The following PPP2R5C variants were observed in gnomAD, a reference collection of about 807,000 sequenced individuals.
PPP2R5C encodes protein phosphatase 2 regulatory subunit B'gamma.
A neutral mutation model predicts 68.9 loss-of-function variants in PPP2R5C; 7 were observed. The ratio of observed to expected loss-of-function variants is 0.10; its 90% CI spans 0.06 to 0.19. PPP2R5C has a LOEUF of 0.19. PPP2R5C is among the 10% of genes least tolerant of loss of function. PPP2R5C has a pLI of 1.00. For synonymous variants in PPP2R5C, 210 were observed against 222.2 expected, an observed-to-expected ratio of 0.95 and a Z score of 0.49; for missense variants, 348 against 641.3, an observed-to-expected ratio of 0.54 and a Z score of 4.94.
At chr14:101,864,291 C>A (rs545720858) in intron 2 of PPP2R5C, among the ~76,000 whole-genome samples, 5 of 152,174 alleles carry the variant, frequency 3.3e-5, no homozygotes, top group Admixed American at 2.6e-4. Context: ...AGAAGTACTT[C>A]GCATTAGAGT....
chr14:101,925,044 C>G (rs568698674), intron 13 of PPP2R5C, 97 bp from the exon 16 acceptor site: 5 of 1,375,460 alleles, frequency 3.6e-6, no homozygotes, highest in Non-Finnish European at 5.1e-6. Flanking sequence ...GTGAGGCACA[C>G]GTGCCTCGCG....
rs2037677052 is a variant in PPP2R5C at position 101,781,342 on chromosome 14, T to A, written c.94-4676T>A. Among the ~76,000 whole-genome samples, 1 of 152,134 alleles carries A rather than the reference T, an allele frequency of 6.6e-6. No individual in the cohort carries two copies. The highest frequency in any genetic ancestry group is 6.5e-5 in the Admixed American group (1 of 15,284). ...CACCCTCCGAAGCCTCAACCCGCCC[T>A]GCGCCTCCCGGTGGCACAGCGACCT... On this transcript the variant is annotated intron_variant, in intron 2 of 14. Transcript: ENST00000328724. This position sits in a 1 kb window ranked among gnomAD's most constrained non-coding sequence, Gnocchi z 6.4.
At position 101,802,743 on chromosome 14, in the gene PPP2R5C, T is replaced by C. The variant is rs186373994; in HGVS notation, c.259+16560T>C. Among the ~76,000 whole-genome samples, 31 of 152,200 alleles carry C rather than the reference T, an allele frequency of 2.0e-4. No individual in the cohort carries two copies. In the East Asian group the frequency reaches 5.8e-3, roughly 28 times the overall value. Reference sequence around the variant, plus strand: ...TCATATAACTGATAAGGAGTTAATATCCAGAATATCTAAAGAACTCCTACA... The same window carrying C: ...TCATATAACTGATAAGGAGTTAATACCCAGAATATCTAAAGAACTCCTACA... On this transcript the variant is annotated intron_variant, in intron 3 of 14. Transcript: ENST00000328724.
intron 9 of PPP2R5C, among the ~76,000 whole-genome samples, chr14:101,905,877 C>T (rs1016043999): frequency 2.0e-5 from 3 of 152,122 alleles, no homozygotes; most frequent in African/African-American, 7.2e-5. Flanking sequence ...GCCACCCCAC[C>T]GCACACGCAC....
chr14:101,884,186 A>T (rs113945299), intron 5 of PPP2R5C, among the ~76,000 whole-genome samples: 5 of 152,200 alleles, frequency 3.3e-5, no homozygotes, highest in Admixed American at 2.0e-4. Context: ...CAGGAGAAAG[A>T]TGGAGGCCAG....
exon 4 of PPP2R5C, chr14:101,883,316 G>A (rs772006951): frequency 2.5e-5 from 40 of 1,596,474 alleles, no homozygotes; most frequent in Middle Eastern, 1.7e-4. Context: ...CTAATATAGC[G>A]AAGAAATATA....
chr14:101,771,237 G>A (rs2037134519), intron 2 of PPP2R5C, among the ~76,000 whole-genome samples: 1 of 109,620 alleles, frequency 9.1e-6, no homozygotes, highest in East Asian at 2.0e-4. Context: ...GTGTGTGTGT[G>A]TGTGTGTGTG....
chr14:101,780,565 G>A (rs1345621187), intron 2 of PPP2R5C, among the ~76,000 whole-genome samples: 1 of 151,992 alleles, frequency 6.6e-6, no homozygotes, highest in African/African-American at 2.4e-5. Flanking sequence ...CCGGTGCTGC[G>A]GGAGGACACC....
intron 12 of PPP2R5C, 51 bp downstream of exon 14, chr14:101,912,524 T>G (rs774863472): frequency 6.4e-7 from 1 of 1,559,370 alleles, no homozygotes; most frequent in Non-Finnish European, 8.6e-7. Context: ...TTGAATGTTT[T>G]TATAAGATAG....
At chr14:101,900,171 G>A (rs887750092) in intron 8 of PPP2R5C, among the ~76,000 whole-genome samples, 1 of 152,192 alleles carries the variant, frequency 6.6e-6, no homozygotes, top group African/African-American at 2.4e-5. Flanking sequence ...ACATGCGTGA[G>A]CCACCACGCC....
intron 12 of PPP2R5C, among the ~76,000 whole-genome samples, chr14:101,914,947 G>C (rs371944475): frequency 2.0e-5 from 3 of 152,174 alleles, no homozygotes; most frequent in African/African-American, 7.2e-5. Context: ...TGTTTGCAAC[G>C]ACCAAAACTG....
rs2041021250 is a variant in PPP2R5C at position 101,835,372 on chromosome 14, A to G, written c.95-21314A>G. Among the ~76,000 whole-genome samples, 1 of 152,222 alleles carries G rather than the reference A, an allele frequency of 6.6e-6. No individual in the cohort carries two copies. The highest frequency in any genetic ancestry group is 2.4e-5 in the African/African-American group (1 of 41,450). On this transcript the variant is annotated intron_variant, in intron 1 of 13. Coordinates refer to ENST00000334743, the Ensembl canonical transcript of PPP2R5C. The surrounding 1 kb of genome is among the most constrained non-coding windows in gnomAD (Gnocchi z 5.0). ...ACTTCCACCTGGGATCACAGTTTAC[A>G]GTCAGCTGAGTGCTCAAGAGAACTC...
At chr14:101,925,883 C>T (rs958347248) in exon 14 of PPP2R5C, 2 of 152,626 alleles carry the variant, frequency 1.3e-5, no homozygotes, top group Non-Finnish European at 2.9e-5. Context: ...CACCGTGTCT[C>T]CTTCTCTTGT....
rs1324790390 is a variant in PPP2R5C at position 101,909,815 on chromosome 14, T to G, written c.1253+125T>G. On this transcript the variant is annotated intron_variant, in intron 11 of 13. Transcript: ENST00000334743. ...GAAAGCAAAACCAAGCCTTTCATAC[T>G]TGGAAAGCAAATTAAAACTGTGTTA... The G allele has an allele frequency of 3.6e-5, 20 of 555,136 alleles. No homozygotes were observed. The Admixed American group carries it at 6.6e-4, about 18-fold the overall frequency. The allele number at this position is 555,136 out of a possible 1,614,324, so 34.4% of individuals were successfully genotyped here. A position where few individuals can be genotyped will look rare whatever the true frequency, so the allele number is the denominator to read the frequency against.
In PPP2R5C at chr14:101,825,418, T is replaced by C. The variant is rs1205813823; in HGVS notation, c.94+15382T>C. ...GAACAGTTTTGAAAGGCCAAGATCA[T>C]GGGTTTAAGATTTGAGACTTGGCCA... On this transcript the variant is annotated intron_variant, in intron 1 of 13. Transcript: ENST00000334743. This position sits in a 1 kb window ranked among gnomAD's most constrained non-coding sequence, Gnocchi z 4.0. Among the ~76,000 whole-genome samples the C allele has an allele frequency of 1.3e-5, 2 of 152,276 alleles. No homozygotes were observed. Among genetic ancestry groups the C allele is most frequent in the South Asian group, 2.1e-4 (1 of 4,826 alleles).
intron 11 of PPP2R5C, among the ~76,000 whole-genome samples, chr14:101,912,158 T>A (rs1477424183): frequency 6.6e-6 from 1 of 152,252 alleles, no homozygotes; most frequent in African/African-American, 2.4e-5. Flanking sequence ...ACATAAGACG[T>A]ACTTATATAA....
chr14:101,852,995 G>A (rs2042245634), intron 1 of PPP2R5C, among the ~76,000 whole-genome samples: 1 of 152,150 alleles, frequency 6.6e-6, no homozygotes, highest in African/African-American at 2.4e-5. Context: ...TGAGGCATTT[G>A]TAATAACACT....
intron 11 of PPP2R5C, among the ~76,000 whole-genome samples, chr14:101,910,564 G>A (rs1429572238): frequency 6.6e-6 from 1 of 152,234 alleles, no homozygotes; most frequent in East Asian, 1.9e-4. Flanking sequence ...CGGGTGCGGT[G>A]GCTCACGCCT....
intron 2 of PPP2R5C, among the ~76,000 whole-genome samples, chr14:101,774,628 G>A (rs992877494): frequency 6.6e-6 from 1 of 152,192 alleles, no homozygotes; most frequent in Admixed American, 6.5e-5. Flanking sequence ...TTGCTATGCT[G>A]AGATGCACCA....
Sources: allele counts gnomAD v4.1 joint callset (sites outside exome capture counted in the v4.1 genomes callset), GRCh38; gene constraint gnomAD v4.1.1; non-coding constraint Gnocchi (gnomAD v3.1); transcripts MANE v1.5; gene names NCBI Gene and HGNC (gene_info 2026-07-23, HGNC 2026-07-21).